The following GRIN2A variants were observed in gnomAD, a reference collection of about 807,000 sequenced individuals.
GRIN2A encodes glutamate ionotropic receptor NMDA type subunit 2A.
GRIN2A carries 22 observed loss-of-function variants against 113.4 expected under a neutral mutation model. The observed-to-expected ratio is 0.19, with a 90% CI of 0.14 to 0.28. GRIN2A has a LOEUF of 0.28. GRIN2A is among the 10% of genes least tolerant of loss of function. The probability of loss-of-function intolerance (pLI) is 1.00; values close to 1 mark genes in which losing one functional copy is unlikely to be tolerated. For synonymous variants in GRIN2A, 827 were observed against 738.4 expected, an observed-to-expected ratio of 1.12 and a Z score of -1.94; for missense variants, 1,502 against 1,887.0, an observed-to-expected ratio of 0.80 and a Z score of 3.78.
intron 2 of GRIN2A, among the ~76,000 whole-genome samples, chr16:9,941,759 A>G (rs1333457223): frequency 1.3e-5 from 2 of 152,176 alleles, no homozygotes; most frequent in African/African-American, 2.4e-5. Flanking sequence ...CATAGTAAAC[A>G]TGCTAGAAAT....
intron 11 of GRIN2A, among the ~76,000 whole-genome samples, chr16:9,779,925 C>A (rs1320701580): frequency 6.6e-6 from 1 of 152,202 alleles, no homozygotes; most frequent in African/African-American, 2.4e-5. Flanking sequence ...CTCCACAGTC[C>A]TCTGCCCCCA....
At chr16:9,973,760 G>A (rs966672235) in intron 2 of GRIN2A, among the ~76,000 whole-genome samples, 1 of 151,966 alleles carries the variant, frequency 6.6e-6, no homozygotes, top group Non-Finnish European at 1.5e-5. Flanking sequence ...AGAAGACAGT[G>A]GAATAATGTC....
At chr16:10,050,108 A>G (rs2047331965) in intron 2 of GRIN2A, among the ~76,000 whole-genome samples, 3 of 152,194 alleles carry the variant, frequency 2.0e-5, no homozygotes, top group Admixed American at 2.0e-4. Context: ...TGATATGGGG[A>G]GATTATCCTG....
At chr16:9,780,118 G>T (rs538191396) in intron 11 of GRIN2A, among the ~76,000 whole-genome samples, 8 of 152,308 alleles carry the variant, frequency 5.3e-5, no homozygotes, top group African/African-American at 7.2e-5. Context: ...ACAGAAAGTC[G>T]AAAAGGAGCA....
intron 2 of GRIN2A, among the ~76,000 whole-genome samples, chr16:9,987,955 G>A (rs1189600996): frequency 6.6e-6 from 1 of 152,180 alleles, no homozygotes; most frequent in Non-Finnish European, 1.5e-5. Context: ...GACGTGTCTA[G>A]CATCATGCTC....
At chr16:9,853,588 A>G (rs2042919914) in intron 4 of GRIN2A, among the ~76,000 whole-genome samples, 1 of 152,210 alleles carries the variant, frequency 6.6e-6, no homozygotes. Context: ...AGTCTATGGT[A>G]TTCTGTTACA....
chr16:10,176,004 T>TA (rs902222385), intron 2 of GRIN2A, among the ~76,000 whole-genome samples: 13 of 69,126 alleles, frequency 1.9e-4, no homozygotes, highest in African/African-American at 5.1e-4. Flanking sequence ...ATTTTCCTTC[T>TA]TTTTTTTTTT....
chr16:10,107,404 A>G (rs1197600602), intron 2 of GRIN2A, among the ~76,000 whole-genome samples: 1 of 152,180 alleles, frequency 6.6e-6, no homozygotes, highest in Admixed American at 6.5e-5. Flanking sequence ...CTGGTGTTGA[A>G]ACTGCCCTGA....
intron 11 of GRIN2A, among the ~76,000 whole-genome samples, chr16:9,774,653 A>G (rs2141166567): frequency 1.3e-5 from 2 of 152,400 alleles, no homozygotes; most frequent in East Asian, 3.9e-4. Flanking sequence ...ACGCAGGTGC[A>G]GAGAGGTTAA....
At chr16:10,079,476 C>A (rs2047938778) in intron 2 of GRIN2A, among the ~76,000 whole-genome samples, 1 of 152,142 alleles carries the variant, frequency 6.6e-6, no homozygotes. Context: ...ATGTTAAAAC[C>A]TAATCCTCAA....
chr16:9,990,116 G>A (rs191699519), intron 2 of GRIN2A, among the ~76,000 whole-genome samples: 163 of 152,168 alleles, frequency 1.1e-3, no homozygotes, highest in Non-Finnish European at 1.5e-3. Context: ...CAATAGCAAA[G>A]ACATAGCATC....
rs779746293 is a variant in GRIN2A, at chr16:9,764,111, C to T, written c.3433G>A (p.Val1145Met). ...FVENVTLPEN[V>M]DFPDPYQDPS... is the part of the protein sequence containing the mutation. The stretch of plus-strand genomic sequence containing the variant: ...TCCTGGTAGGGGTCCGGGAAGTCCA[C>T]GTTCTCGGGCAGGGTCACATTTTCA... The change falls in exon 13 of 13, where the codon GTG becomes ATG. Residue 1145 changes from valine (V) to methionine (M), a missense_variant. Coordinates refer to ENST00000330684, the MANE Select transcript of GRIN2A (RefSeq NM_001134407.3). The T allele has an allele frequency of 2.5e-5, 40 of 1,613,562 alleles. No individual in the cohort carries two copies. Among genetic ancestry groups the T allele is most frequent in the Non-Finnish European group, 3.2e-5 (38 of 1,179,712 alleles).
At chr16:10,085,681 T>C (rs1300547593) in intron 2 of GRIN2A, among the ~76,000 whole-genome samples, 11 of 152,162 alleles carry the variant, frequency 7.2e-5, no homozygotes, top group African/African-American at 2.4e-5. Context: ...TCTTTTGAGA[T>C]GGCCTGTTTC....
intron 2 of GRIN2A, among the ~76,000 whole-genome samples, chr16:10,016,747 C>T (rs2046618163): frequency 6.6e-6 from 1 of 152,336 alleles, no homozygotes; most frequent in East Asian, 1.9e-4. Flanking sequence ...TCACATCTCT[C>T]TTACCTGCTC....
chr16:10,005,544 G>GATACGTAAAGA (rs2046391560), intron 2 of GRIN2A, among the ~76,000 whole-genome samples: 2 of 152,156 alleles, frequency 1.3e-5, no homozygotes, highest in Admixed American at 6.5e-5. Context: ...GTAAACTGGG[G>GATACGTAAAGA]GGGTCCACGC....
intron 2 of GRIN2A, among the ~76,000 whole-genome samples, chr16:10,100,982 T>G (rs1485804544): frequency 6.6e-6 from 1 of 152,146 alleles, no homozygotes. Flanking sequence ...CCACTGGGGG[T>G]GCAGGTTACT....
intron 3 of GRIN2A, among the ~76,000 whole-genome samples, chr16:9,924,489 G>C (rs2044418625): frequency 6.6e-6 from 1 of 152,116 alleles, no homozygotes; most frequent in South Asian, 2.1e-4. Context: ...TATCTTTTTA[G>C]CTGATATATC....
intron 5 of GRIN2A, among the ~76,000 whole-genome samples, chr16:9,848,744 T>C (rs2042824613): frequency 1.5e-5 from 1 of 65,398 alleles, no homozygotes; most frequent in Admixed American, 1.3e-4. Flanking sequence ...CACTGTTTTA[T>C]AATATTTTAA....
intron 11 of GRIN2A, among the ~76,000 whole-genome samples, chr16:9,791,174 G>T (rs1596410711): frequency 6.6e-6 from 1 of 152,178 alleles, no homozygotes; most frequent in African/African-American, 2.4e-5. Context: ...CACAAGTGTA[G>T]AGATAAGGGA....
Sources: allele counts gnomAD v4.1 joint callset (sites outside exome capture counted in the v4.1 genomes callset), GRCh38; gene constraint gnomAD v4.1.1; transcripts MANE v1.5; gene names NCBI Gene and HGNC (gene_info 2026-07-23, HGNC 2026-07-21).